PPP4R2: variants seen among roughly 807,000 people sequenced by gnomAD.
PPP4R2 encodes serine/threonine-protein phosphatase 4 regulatory subunit 2.
PPP4R2 carries 13 observed loss-of-function variants against 47.2 expected under a neutral mutation model. That is an observed-to-expected ratio of 0.28 (90% CI 0.18 to 0.44). The LOEUF is 0.44. Ranked by LOEUF, PPP4R2 falls within the 20% of genes least tolerant of loss-of-function variation. The probability of loss-of-function intolerance (pLI) is 1.00; values close to 1 mark genes in which losing one functional copy is unlikely to be tolerated. For missense variants in PPP4R2, 421 were observed against 491.2 expected (o/e 0.86, Z 1.35); for synonymous variants, 151 against 163.3 (o/e 0.92, Z 0.57).
At chr3:73,020,615 G>A (rs1403817793) in intron 2 of PPP4R2, among the ~76,000 whole-genome samples, 2 of 148,458 alleles carry the variant, frequency 1.3e-5, no homozygotes, top group African/African-American at 5.0e-5. Flanking sequence ...GGATGCATGG[G>A]GCCAAGATGG....
chr3:73,062,407 C>T (rs1702882969), intron 5 of PPP4R2: 1 of 1,607,096 alleles, frequency 6.2e-7, no homozygotes, highest in African/African-American at 1.3e-5. Flanking sequence ...GCAGCCAAGT[C>T]TATGCTAGAC....
chr3:73,017,351 C>T (rs1701863183), intron 2 of PPP4R2, among the ~76,000 whole-genome samples: 2 of 106,614 alleles, frequency 1.9e-5, no homozygotes, highest in Admixed American at 8.3e-5. Context: ...ATAAATTCTG[C>T]CTGTTGTAGC....
intron 2 of PPP4R2, among the ~76,000 whole-genome samples, chr3:73,035,146 C>G (rs1007870235): frequency 6.6e-6 from 1 of 152,172 alleles, no homozygotes; most frequent in Non-Finnish European, 1.5e-5. Context: ...AGAAGACATA[C>G]AGGTATGTGA....
intron 2 of PPP4R2, among the ~76,000 whole-genome samples, chr3:73,037,591 C>T (rs1702290627): frequency 6.6e-6 from 1 of 152,170 alleles, no homozygotes; most frequent in African/African-American, 2.4e-5. Context: ...GACAGCAGCA[C>T]ATCACAAGCT....
At chr3:73,007,332 A>G (rs78742229) in intron 2 of PPP4R2, among the ~76,000 whole-genome samples, 7,938 of 152,262 alleles carry the variant, frequency 0.052, 681 homozygotes, top group African/African-American at 0.18. Context: ...ACAAAACAGT[A>G]AGAAAATAAA....
rs889461096 is a variant in PPP4R2 at position 73,069,086 on chromosome 3, C to A, written c.*3364C>A. 1 of 152,126 alleles carries A rather than the reference C, an allele frequency of 6.6e-6. No individual in the cohort carries two copies. The highest frequency in any genetic ancestry group is 1.5e-5 in the Non-Finnish European group (1 of 68,026). 9.4% of individuals were successfully genotyped at this position (152,126 alleles called of 1,614,324 possible). ...TTGGTTAGACTACATCTTACTATTT[C>A]ACATTTTAAAAATCAGTACACTCTT... On this transcript the variant is annotated 3_prime_UTR_variant, in exon 9 of 9. Transcript: ENST00000356692.
At chr3:73,023,355 T>C (rs939857770) in intron 2 of PPP4R2, among the ~76,000 whole-genome samples, 8 of 152,062 alleles carry the variant, frequency 5.3e-5, no homozygotes, top group Admixed American at 3.9e-4. Context: ...CCTGGCTAAT[T>C]TTGTATTTTT....
intron 2 of PPP4R2, among the ~76,000 whole-genome samples, 168 bp downstream of exon 2, chr3:72,998,326 A>G (rs9822463): frequency 0.016 from 2,445 of 152,220 alleles, 74 homozygotes; most frequent in African/African-American, 0.055. Context: ...GTATACGCTT[A>G]CTTACTTTAT....
chr3:73,015,015 TC>T (rs1559550207), intron 2 of PPP4R2: 3 of 666,908 alleles, frequency 4.5e-6, no homozygotes, highest in African/African-American at 3.6e-5. Context: ...TAATTTTTTT[TC>T]CTCGAAATAT....
At chr3:73,059,923 A>G (rs1224396483) in intron 4 of PPP4R2, among the ~76,000 whole-genome samples, 1 of 143,194 alleles carries the variant, frequency 7.0e-6, no homozygotes, top group Non-Finnish European at 1.5e-5. Flanking sequence ...CAACAAAGTG[A>G]GACTCTGTCT....
rs1232282062 is a variant in PPP4R2 at position 73,067,083 on chromosome 3, T to C, written c.*1361T>C. ...AGTAGATTTTGTAGAATGTAATGTG[T>C]TCACTGCCTTTGTGAAGCGGTATAT... is the stretch of plus-strand genomic sequence containing the variant. On this transcript the variant is annotated 3_prime_UTR_variant, in exon 9 of 9. Coordinates refer to ENST00000356692, the MANE Select transcript of PPP4R2 (RefSeq NM_174907.4). 7 of 152,146 alleles carry C rather than the reference T, an allele frequency of 4.6e-5. No homozygotes were observed. Among genetic ancestry groups the C allele is most frequent in the Non-Finnish European group, 2.9e-5 (2 of 67,968 alleles). The allele number at this position is 152,146 out of a possible 1,614,324, so 9.4% of individuals were successfully genotyped here.
intron 2 of PPP4R2, among the ~76,000 whole-genome samples, chr3:73,037,594 C>T (rs527854929): frequency 6.6e-6 from 1 of 152,282 alleles, no homozygotes; most frequent in South Asian, 2.1e-4. Flanking sequence ...AGCAGCACAT[C>T]ACAAGCTAAA....
At chr3:73,000,213 A>G (rs1009306384) in intron 2 of PPP4R2, among the ~76,000 whole-genome samples, 1 of 152,200 alleles carries the variant, frequency 6.6e-6, no homozygotes, top group African/African-American at 2.4e-5. Context: ...ACATGCCTAT[A>G]GTCCCAGCTT....
chr3:72,997,087 C>G lies in PPP4R2; in HGVS notation c.34+16C>G, dbSNP rs1343032101. The G allele has an allele frequency of 2.9e-6, 4 of 1,380,406 alleles. No homozygotes were observed. The highest frequency in any genetic ancestry group is 1.7e-5 in the South Asian group (1 of 59,380). The allele number at this position is 1,380,406 out of a possible 1,614,324, so 85.5% of individuals were successfully genotyped here. A position where few individuals can be genotyped will look rare whatever the true frequency, so the allele number is the denominator to read the frequency against. On this transcript the variant is annotated intron_variant, in intron 1 of 8. Coordinates refer to ENST00000356692, the MANE Select transcript of PPP4R2 (RefSeq NM_174907.4). ...GCGCTGAAAGGTGGGGGTAGCTGCC[C>G]CCTCTCCATTCCCCCTCACCTTCTC...
chr3:73,058,680 C>G (rs913948176), intron 3 of PPP4R2, among the ~76,000 whole-genome samples: 1 of 151,960 alleles, frequency 6.6e-6, no homozygotes, highest in Admixed American at 6.6e-5. Context: ...CACTTATACT[C>G]TTAGTTATTT....
rs560621033 is a variant in PPP4R2 at position 73,068,657 on chromosome 3, A to G, written c.*2935A>G. On this transcript the variant is annotated 3_prime_UTR_variant, in exon 9 of 9. Coordinates refer to ENST00000356692, the MANE Select transcript of PPP4R2 (RefSeq NM_174907.4). ...GCCAGAAGGTGTGGCTTGTTAAAGC[A>G]TTGAGATTCAGAGTATTTTGTTTTG... The G allele has an allele frequency of 2.3e-4, 35 of 152,374 alleles. No individual in the cohort carries two copies. Among genetic ancestry groups the G allele is most frequent in the Non-Finnish European group, 2.8e-4 (19 of 68,038 alleles). The allele number at this position is 152,374 out of a possible 1,614,324, so 9.4% of individuals were successfully genotyped here.
intron 2 of PPP4R2, among the ~76,000 whole-genome samples, chr3:73,002,995 A>T (rs1450795618): frequency 6.6e-6 from 1 of 152,100 alleles, no homozygotes; most frequent in Non-Finnish European, 1.5e-5. Flanking sequence ...TCAAGAACAC[A>T]GGCAGGGTAT....
At chr3:73,020,698 A>ATTTT (rs1559552722) in intron 2 of PPP4R2, among the ~76,000 whole-genome samples, 5 of 147,516 alleles carry the variant, frequency 3.4e-5, no homozygotes, top group Non-Finnish European at 6.0e-5. Flanking sequence ...AAAAGTTAAA[A>ATTTT]AACTTTTTTT....
intron 3 of PPP4R2, among the ~76,000 whole-genome samples, chr3:73,056,690 T>C (rs1702737813): frequency 6.6e-6 from 1 of 152,242 alleles, no homozygotes; most frequent in Non-Finnish European, 1.5e-5. Flanking sequence ...CTGGTATTGC[T>C]ATGTAAACAC....
Sources: allele counts gnomAD v4.1 joint callset (sites outside exome capture counted in the v4.1 genomes callset), GRCh38; gene constraint gnomAD v4.1.1; transcripts MANE v1.5; gene names NCBI Gene and HGNC (gene_info 2026-07-23, HGNC 2026-07-21).